The following CADM2 variants were observed in gnomAD, a reference collection of about 807,000 sequenced individuals.
CADM2 encodes the protein immunoglobulin superfamily member 4D.
In CADM2, 12 loss-of-function variants were observed where a neutral mutation model predicts 49.8. That is an observed-to-expected ratio of 0.24 (90% CI 0.15 to 0.39). The LOEUF (loss-of-function observed/expected upper bound fraction) is 0.39. Ranked by LOEUF, CADM2 falls within the 10% of genes least tolerant of loss-of-function variation. The pLI, the probability that CADM2 is intolerant of heterozygous loss-of-function variation, is 1.00. For synonymous variants in CADM2, 214 were observed against 175.4 expected, an observed-to-expected ratio of 1.22 and a Z score of -1.74; for missense variants, 378 against 492.3, an observed-to-expected ratio of 0.77 and a Z score of 2.20.
At chr3:85,505,189 G>C (rs571909166) in intron 1 of CADM2, among the ~76,000 whole-genome samples, 1 of 152,366 alleles carries the variant, frequency 6.6e-6, no homozygotes, top group African/African-American at 2.4e-5. Context: ...CAGAGGAGGC[G>C]CCGAGAGCGA....
chr3:85,001,278 T>C (rs1301780358), intron 1 of CADM2, among the ~76,000 whole-genome samples: 1 of 152,064 alleles, frequency 6.6e-6, no homozygotes, highest in African/African-American at 2.4e-5. Flanking sequence ...TATAAAAATA[T>C]GTATTTTCTG....
intron 1 of CADM2, among the ~76,000 whole-genome samples, chr3:85,278,377 T>C (rs1269852919): frequency 6.6e-6 from 1 of 151,374 alleles, no homozygotes; most frequent in Non-Finnish European, 1.5e-5. Context: ...CGTTATAAAC[T>C]CTAATTTTAT....
Position 85,359,666 on chromosome 3 carries a change from A to ATATATATATTTT in CADM2, c.62-366855_62-366854insATATATATTTTT. 1.4e-3 allele frequency among the ~76,000 whole-genome samples: 37 copies of ATATATATATTTT among 26,550 alleles called. 2 individuals are homozygous for ATATATATATTTT. Among genetic ancestry groups the ATATATATATTTT allele is most frequent in the Non-Finnish European group, 1.5e-3 (19 of 12,308 alleles). 17.4% of individuals were successfully genotyped at this position (26,550 alleles called of 152,430 possible). The stretch of plus-strand genomic sequence containing the variant: ...TATATATATATATATATATATATAT[A>ATATATATATTTT]TTTTTTTTTTTGGTGGAGGGGAGAA... On this transcript the variant is annotated intron_variant, in intron 1 of 9. Transcript: ENST00000383699.
chr3:85,824,202 A>G (rs1328964598), intron 3 of CADM2, among the ~76,000 whole-genome samples: 1 of 152,170 alleles, frequency 6.6e-6, no homozygotes, highest in Non-Finnish European at 1.5e-5. Context: ...CATTTTACAT[A>G]CAAGAATATT....
intron 1 of CADM2, among the ~76,000 whole-genome samples, chr3:85,342,640 T>C (rs1281931914): frequency 1.4e-5 from 2 of 139,330 alleles, no homozygotes; most frequent in Non-Finnish European, 3.3e-5. Flanking sequence ...GGATAAGATC[T>C]TTGACCCTCC....
chr3:84,986,916 G>A (rs542715164), intron 1 of CADM2, among the ~76,000 whole-genome samples: 1 of 151,588 alleles, frequency 6.6e-6, no homozygotes, highest in African/African-American at 2.4e-5. Context: ...GCTGGGTGTG[G>A]TGGCGCATAC....
chr3:84,960,659 C>T (rs1238451929), intron 1 of CADM2, among the ~76,000 whole-genome samples: 2 of 152,284 alleles, frequency 1.3e-5, no homozygotes, highest in East Asian at 3.9e-4. Flanking sequence ...AGGGAAACCG[C>T]ACAAAACGCT....
intron 1 of CADM2, among the ~76,000 whole-genome samples, chr3:85,636,255 T>C (rs2064475692): frequency 6.6e-6 from 1 of 152,138 alleles, no homozygotes; most frequent in African/African-American, 2.4e-5. Context: ...TGACAGACAA[T>C]GACACTGATG....
At chr3:85,918,741 A>C (rs1397195192) in intron 6 of CADM2, among the ~76,000 whole-genome samples, 1 of 152,130 alleles carries the variant, frequency 6.6e-6, no homozygotes, top group Non-Finnish European at 1.5e-5. Flanking sequence ...AGGGAAGAGG[A>C]AACTTCACAA....
chr3:85,136,630 G>A (rs2107619561), intron 1 of CADM2, among the ~76,000 whole-genome samples: 1 of 151,876 alleles, frequency 6.6e-6, no homozygotes, highest in South Asian at 2.1e-4. Context: ...GTTTAGATTT[G>A]GATATATTTC....
chr3:85,972,689 T>C (rs1453640606), intron 8 of CADM2, among the ~76,000 whole-genome samples: 1 of 151,752 alleles, frequency 6.6e-6, no homozygotes, highest in Admixed American at 6.6e-5. Context: ...TATTGTACAC[T>C]GCATTTGTAG....
chr3:85,346,658 G>C (rs72903287), intron 1 of CADM2, among the ~76,000 whole-genome samples: 6,084 of 152,110 alleles, frequency 0.04, 411 homozygotes, highest in African/African-American at 0.14. Context: ...TTAATATTGG[G>C]AAATTTTAAA....
At position 85,139,505 on chromosome 3, in the gene CADM2, C is replaced by T. The variant is rs186144022; in HGVS notation, c.61+179837C>T. ...TTATTTCAGAGAGTTTGTATTTTAC[C>T]AGCTTATACAGTTGATAGTATTTTA... On this transcript the variant is annotated intron_variant, in intron 1 of 9. Coordinates refer to ENST00000383699, the MANE Select transcript of CADM2 (RefSeq NM_001167675.2). Among the ~76,000 whole-genome samples, 42 of 151,726 alleles carry T rather than the reference C, an allele frequency of 2.8e-4. No homozygotes were observed. In the East Asian group the frequency reaches 7.8e-3, roughly 28 times the overall value.
chr3:85,367,728 C>T (rs972842776), intron 1 of CADM2, among the ~76,000 whole-genome samples: 7 of 151,832 alleles, frequency 4.6e-5, no homozygotes, highest in African/African-American at 1.7e-4. Flanking sequence ...ATCCCTATGA[C>T]TTGAAATGAA....
intron 1 of CADM2, among the ~76,000 whole-genome samples, chr3:85,445,640 C>T (rs974051509): frequency 3.3e-5 from 5 of 152,078 alleles, no homozygotes; most frequent in Non-Finnish European, 7.4e-5. Context: ...AATACATTAA[C>T]ATTTTGGAAA....
intron 1 of CADM2, among the ~76,000 whole-genome samples, chr3:85,366,806 A>G (rs1295256988): frequency 6.6e-6 from 1 of 152,024 alleles, no homozygotes; most frequent in Non-Finnish European, 1.5e-5. Flanking sequence ...ATTTTATGTC[A>G]ATCTTTTATG....
intron 1 of CADM2, among the ~76,000 whole-genome samples, chr3:85,348,586 A>G (rs1416007951): frequency 6.6e-6 from 1 of 152,204 alleles, no homozygotes; most frequent in Non-Finnish European, 1.5e-5. Context: ...CAATGGCATA[A>G]CAAAATTAAC....
At chr3:85,250,291 A>G (rs954678808) in intron 1 of CADM2, among the ~76,000 whole-genome samples, 18 of 151,722 alleles carry the variant, frequency 1.2e-4, no homozygotes, top group Admixed American at 4.6e-4. Flanking sequence ...CTCTTAATAT[A>G]TATAGGTATC....
chr3:85,815,017 A>G lies in CADM2; in HGVS notation c.238+12821A>G, dbSNP rs563371874. The stretch of plus-strand genomic sequence containing the variant: ...CTAGGAGAAATCGATAAATTCCTGG[A>G]CACATACACCCTCCCAAGTCTAAAC... On this transcript the variant is annotated intron_variant, in intron 3 of 9. Coordinates refer to ENST00000383699, the MANE Select transcript of CADM2 (RefSeq NM_001167675.2). 7.9e-5 allele frequency among the ~76,000 whole-genome samples: 12 copies of G among 152,246 alleles called. No individual in the cohort carries two copies. The East Asian group carries it at 2.3e-3, about 29-fold the overall frequency.
Sources: allele counts gnomAD v4.1 joint callset (sites outside exome capture counted in the v4.1 genomes callset), GRCh38; gene constraint gnomAD v4.1.1; transcripts MANE v1.5; gene names NCBI Gene and HGNC (gene_info 2026-07-23, HGNC 2026-07-21).